Variants in PARN observed in about 807,000 individuals in gnomAD.
PARN encodes poly(A)-specific ribonuclease PARN.
In PARN, 71 loss-of-function variants were observed where a neutral mutation model predicts 102.8. The ratio of observed to expected loss-of-function variants is 0.69; its 90% CI spans 0.57 to 0.84. The LOEUF is 0.84. Ranked by LOEUF, PARN falls within the 40% of genes least tolerant of loss-of-function variation. The pLI is 0.00. For missense variants in PARN, 782 were observed against 760.9 expected (o/e 1.03, Z -0.33); for synonymous variants, 261 against 252.9 (o/e 1.03, Z -0.30).
At chr16:14,501,429 A>C (rs1348288490) in intron 21 of PARN, 1 of 126,514 alleles carries the variant, frequency 7.9e-6, no homozygotes, top group Non-Finnish European at 1.7e-5. Flanking sequence ...ACAAAGCAAG[A>C]CTGTCCAAAA....
At position 14,482,831 on chromosome 16, in the gene PARN, CA is replaced by C. The variant is rs1174768104; in HGVS notation, c.1481-5del. On this transcript the variant is annotated splice_polypyrimidine_tract_variant and splice_region_variant and intron_variant, in intron 21 of 23. Coordinates refer to ENST00000437198, the MANE Select transcript of PARN (RefSeq NM_002582.4). ...GCATATTTGCTGGTATTGACAGCTA[CA>C]AGGAAAAGAAAAAAAAATAAAATGC... The C allele has an allele frequency of 1.3e-6, 2 of 1,583,140 alleles. No homozygotes were observed. Among genetic ancestry groups the C allele is most frequent in the South Asian group, 2.3e-5 (2 of 85,684 alleles).
At chr16:14,524,205 T>C (rs923636018) in intron 21 of PARN, among the ~76,000 whole-genome samples, 2 of 152,188 alleles carry the variant, frequency 1.3e-5, no homozygotes, top group African/African-American at 4.8e-5. Flanking sequence ...TGGAGTGTTG[T>C]TTCCCCAAGA....
intron 21 of PARN, among the ~76,000 whole-genome samples, chr16:14,494,935 G>A (rs1891512180): frequency 6.6e-6 from 1 of 152,136 alleles, no homozygotes; most frequent in Admixed American, 6.6e-5. Context: ...GAAGTACCTG[G>A]GAAACATCGG....
chr16:14,585,269 C>T (rs1386360154), intron 14 of PARN, among the ~76,000 whole-genome samples: 2 of 152,022 alleles, frequency 1.3e-5, no homozygotes, highest in African/African-American at 2.4e-5. Flanking sequence ...AGTACTTTCA[C>T]GCTGTTGTTT....
In PARN at chr16:14,618,725, T is replaced by A. The variant is rs545963705; in HGVS notation, c.328-1075A>T. ...CTCCCAATAGGCAGAAAGCTCCTGA[T>A]CGCTTGACTGTTGCAGTACTGACTA... On this transcript the variant is annotated intron_variant, in intron 5 of 23. Coordinates refer to ENST00000437198, the MANE Select transcript of PARN (RefSeq NM_002582.4). 2.0e-4 allele frequency among the ~76,000 whole-genome samples: 30 copies of A among 151,786 alleles called. No individual in the cohort carries two copies. In the South Asian group the frequency reaches 4.0e-3, roughly 20 times the overall value.
At chr16:14,537,841 G>C (rs376859407) in intron 21 of PARN, among the ~76,000 whole-genome samples, 1 of 152,072 alleles carries the variant, frequency 6.6e-6, no homozygotes, top group Non-Finnish European at 1.5e-5. Flanking sequence ...TGAGATAAGA[G>C]GAATGTGTTC....
At chr16:14,484,949 T>C (rs1301104204) in intron 21 of PARN, among the ~76,000 whole-genome samples, 1 of 151,004 alleles carries the variant, frequency 6.6e-6, no homozygotes, top group Non-Finnish European at 1.5e-5. Context: ...CAGGGCACAG[T>C]GGCTCACACT....
chr16:14,563,287 T>C (rs983380939), intron 18 of PARN, among the ~76,000 whole-genome samples: 40 of 152,160 alleles, frequency 2.6e-4, no homozygotes, highest in Admixed American at 2.1e-3. Flanking sequence ...GCGGCCACTT[T>C]AAGAAGCAGT....
intron 21 of PARN, among the ~76,000 whole-genome samples, chr16:14,493,746 G>A (rs942875477): frequency 3.3e-5 from 5 of 152,218 alleles, no homozygotes; most frequent in African/African-American, 9.7e-5. Context: ...ACTGAGAGGT[G>A]GAAGAGCTAC....
At chr16:14,526,765 A>T (rs1966033613) in intron 21 of PARN, among the ~76,000 whole-genome samples, 1 of 152,240 alleles carries the variant, frequency 6.6e-6, no homozygotes, top group African/African-American at 2.4e-5. Flanking sequence ...ACTATCCAGT[A>T]CTTGGAGCCG....
chr16:14,587,824 A>C (rs1596764149), intron 13 of PARN, among the ~76,000 whole-genome samples: 1 of 152,370 alleles, frequency 6.6e-6, no homozygotes, highest in Non-Finnish European at 1.5e-5. Flanking sequence ...CTCTACAACA[A>C]ATCACTTGCT....
chr16:14,440,802 C>A (rs1960909608), intron 23 of PARN, among the ~76,000 whole-genome samples: 1 of 152,110 alleles, frequency 6.6e-6, no homozygotes, highest in African/African-American at 2.4e-5. Flanking sequence ...CTGGAAAAGA[C>A]AAAATCGCAG....
At chr16:14,531,008 C>T (rs1966297391) in intron 21 of PARN, among the ~76,000 whole-genome samples, 1 of 151,914 alleles carries the variant, frequency 6.6e-6, no homozygotes. Flanking sequence ...TCCATCCATC[C>T]CCCACCTTGA....
chr16:14,515,837 G>A (rs1965430807), intron 21 of PARN, among the ~76,000 whole-genome samples: 2 of 152,054 alleles, frequency 1.3e-5, no homozygotes, highest in South Asian at 4.1e-4. Flanking sequence ...CTACTCAGGA[G>A]GCTGAAGCAG....
chr16:14,587,069 CCTGA>C (rs1322838196), intron 13 of PARN, among the ~76,000 whole-genome samples: 1 of 152,166 alleles, frequency 6.6e-6, no homozygotes, highest in African/African-American at 2.4e-5. Flanking sequence ...TAGTCATACT[CCTGA>C]CTCTTTGTAA....
intron 16 of PARN, among the ~76,000 whole-genome samples, chr16:14,583,598 C>T (rs184065668): frequency 2.8e-4 from 43 of 152,318 alleles, no homozygotes; most frequent in East Asian, 9.6e-4. Context: ...TTCTTAATTC[C>T]TTTCTTGGAC....
At chr16:14,557,415 G>A (rs1967759223) in intron 18 of PARN, among the ~76,000 whole-genome samples, 1 of 151,896 alleles carries the variant, frequency 6.6e-6, no homozygotes, top group African/African-American at 2.4e-5. Flanking sequence ...AAATTCGCTG[G>A]GCATGGTAGC....
At chr16:14,614,319 G>T (rs1425395814) in intron 6 of PARN, among the ~76,000 whole-genome samples, 1 of 151,900 alleles carries the variant, frequency 6.6e-6, no homozygotes, top group African/African-American at 2.4e-5. Context: ...GACCCATGAC[G>T]CTGCCATTGG....
At chr16:14,626,658 C>G (rs911574135) in intron 5 of PARN, among the ~76,000 whole-genome samples, 2 of 151,294 alleles carry the variant, frequency 1.3e-5, no homozygotes, top group Non-Finnish European at 2.9e-5. Flanking sequence ...GTTGCCCAAG[C>G]TGGAGTGCAG....
Sources: gnomAD v4.1 joint callset for allele counts (sites outside exome capture counted in the v4.1 genomes callset) on GRCh38, gnomAD v4.1.1 for gene constraint, MANE v1.5 for transcripts, NCBI Gene and HGNC (gene_info 2026-07-23, HGNC 2026-07-21) for gene names.